The following CEP164 variants were observed in gnomAD, a reference collection of about 807,000 sequenced individuals.
The protein encoded by CEP164 is centrosomal protein of 164 kDa.
A neutral mutation model predicts 182.7 loss-of-function variants in CEP164; 162 were observed. That is an observed-to-expected ratio of 0.89 (90% CI 0.78 to 1.01). The LOEUF (loss-of-function observed/expected upper bound fraction) is 1.01, where lower values mean the gene tolerates loss of function less well. Ranked by LOEUF, CEP164 falls within the 50% of genes least tolerant of loss-of-function variation. The pLI is 0.00. For synonymous variants in CEP164, 661 were observed against 690.0 expected (o/e 0.96, Z 0.66); for missense variants, 1,735 against 1,790.4 (o/e 0.97, Z 0.56).
chr11:117,331,907 C>G (rs1261069425), intron 1 of CEP164, among the ~76,000 whole-genome samples: 1 of 151,484 alleles, frequency 6.6e-6, no homozygotes, highest in African/African-American at 2.4e-5. Flanking sequence ...GTCTTCCTTT[C>G]CATCTGATCA....
chr11:117,356,707 G>A (rs758091096), intron 5 of CEP164: 161 of 1,150,312 alleles, frequency 1.4e-4, no homozygotes, highest in Non-Finnish European at 1.7e-4. Flanking sequence ...CATCAGGCCT[G>A]CATTCCTGTT....
chr11:117,380,654 A>G lies in CEP164; in HGVS notation c.1358A>G (p.Gln453Arg). The G allele has an allele frequency of 6.2e-7, 1 of 1,608,432 alleles. No individual in the cohort carries two copies. Among genetic ancestry groups the G allele is most frequent in the Non-Finnish European group, 8.5e-7 (1 of 1,177,504 alleles). ...PLGIEDKDDSQSSQDELQSKQ... is the reference protein window; with the variant it reads ...PLGIEDKDDSRSSQDELQSKQ... ...GGAATAGAAGACAAGGATGACAGCCAGTCCAGCCAAGATGAGCTGCAGAGC... is the reference window on the plus strand; with the variant it reads ...GGAATAGAAGACAAGGATGACAGCCGGTCCAGCCAAGATGAGCTGCAGAGC... The change falls in exon 12 of 33, where the codon CAG (glutamine) becomes CGG (arginine). Residue 453 changes from glutamine (Q) to arginine (R), a missense_variant. Physicochemically the swap from Gln to Arg is conservative, Grantham distance 43. Transcript: ENST00000278935.
rs892024583 is a variant in CEP164 at position 117,363,453 on chromosome 11, C to G, written c.712C>G (p.Leu238Val). 6.2e-7 allele frequency: 1 copy of G among 1,614,076 alleles called. No individual in the cohort carries two copies. The highest frequency in any genetic ancestry group is 1.7e-5 in the Admixed American group (1 of 60,016). The change falls in exon 8 of 33, where the codon CTT becomes GTT. Residue 238 changes from leucine to valine, a missense_variant. Coordinates refer to ENST00000278935, the MANE Select transcript of CEP164 (RefSeq NM_014956.5). ...NQSVHSSSEP[L>V]RNLHLDIGAL... Reference sequence around the variant, plus strand: ...GAGTGTCCACAGCTCAAGTGAGCCTCTTAGGAACCTACACCTGGACATTGG... The same window carrying G: ...GAGTGTCCACAGCTCAAGTGAGCCTGTTAGGAACCTACACCTGGACATTGG...
At chr11:117,330,979 C>T (rs1322916889) in intron 1 of CEP164, among the ~76,000 whole-genome samples, 1 of 152,162 alleles carries the variant, frequency 6.6e-6, no homozygotes, top group Non-Finnish European at 1.5e-5. Flanking sequence ...TGCTCATTAC[C>T]ACTGCGTAAT....
chr11:117,325,073 C>CTTTATTTA (rs574952082), upstream of CEP164, among the ~76,000 whole-genome samples: 1 of 151,826 alleles, frequency 6.6e-6, no homozygotes, highest in Non-Finnish European at 1.5e-5. Flanking sequence ...TCAGTGAGAC[C>CTTTATTTA]TTTATTTATT....
Position 117,373,851 on chromosome 11 carries a change from A to G in CEP164, c.1233+20A>G. 3.1e-6 allele frequency: 5 copies of G among 1,604,314 alleles called. No homozygotes were observed. The highest frequency in any genetic ancestry group is 3.4e-6 in the Non-Finnish European group (4 of 1,171,156). On this transcript the variant is annotated intron_variant, in intron 10 of 32. Coordinates refer to ENST00000278935, the MANE Select transcript of CEP164 (RefSeq NM_014956.5). Reference sequence around the variant, plus strand: ...GGCCTGGTGAGTTTGAGATGAGGGCAGTAGAGTGGTGGTGAAGAGCATAGA... The same window carrying G: ...GGCCTGGTGAGTTTGAGATGAGGGCGGTAGAGTGGTGGTGAAGAGCATAGA...
intron 27 of CEP164, among the ~76,000 whole-genome samples, chr11:117,406,486 T>G (rs2046689304): frequency 6.6e-6 from 1 of 152,188 alleles, no homozygotes; most frequent in Non-Finnish European, 1.5e-5. Context: ...CAATAACCAT[T>G]TATAATGTGC....
rs568399224 is a variant in CEP164, at chr11:117,397,321, G to A, written c.3501+8G>A. On this transcript the variant is annotated splice_region_variant and intron_variant, in intron 27 of 32. Transcript: ENST00000278935. ...CGCAAGAACCTGGAGAAGGTCAGGA[G>A]CTTTGGGAAGGGCCTGCCAGCCCTG... 6.2e-7 allele frequency: 1 copy of A among 1,608,426 alleles called. No individual in the cohort carries two copies. Among genetic ancestry groups the A allele is most frequent in the Non-Finnish European group, 8.5e-7 (1 of 1,177,418 alleles).
intron 1 of CEP164, among the ~76,000 whole-genome samples, chr11:117,331,463 T>A (rs2036196459): frequency 6.6e-6 from 1 of 152,242 alleles, no homozygotes; most frequent in African/African-American, 2.4e-5. Flanking sequence ...CTAGGCACTT[T>A]ATAAGTGTTG....
chr11:117,367,739 AG>A (rs1422764973), intron 8 of CEP164, among the ~76,000 whole-genome samples: 1 of 152,204 alleles, frequency 6.6e-6, no homozygotes, highest in African/African-American at 2.4e-5. Flanking sequence ...TTTGTTGTAC[AG>A]ATTATTTCAT....
chr11:117,352,083 C>T (rs1164287110), intron 5 of CEP164, 95 bp downstream of exon 5: 1 of 1,030,692 alleles, frequency 9.7e-7, no homozygotes, highest in African/African-American at 1.6e-5. Context: ...AGGTTGAAGA[C>T]AACAGTCAGA....
chr11:117,356,613 A>C (rs2040322492), intron 5 of CEP164: 2 of 1,284,730 alleles, frequency 1.6e-6, no homozygotes, highest in South Asian at 1.2e-5. Context: ...CAGCATCTCA[A>C]CCAGGTAGGC....
At position 117,397,246 on chromosome 11, in the gene CEP164, C is replaced by A. The variant is rs770370539; in HGVS notation, c.3434C>A (p.Ala1145Glu). 6.2e-7 allele frequency: 1 copy of A among 1,614,188 alleles called. No individual in the cohort carries two copies. Among genetic ancestry groups the A allele is most frequent in the African/African-American group, 1.3e-5 (1 of 75,078 alleles). Residue 1145 changes from alanine (A) to glutamate (E), a missense_variant, in exon 27 of 33, where the codon GCG (alanine) becomes GAG (glutamate). Physicochemically the swap from Ala to Glu is moderately radical, Grantham distance 107. Coordinates refer to ENST00000278935, the MANE Select transcript of CEP164 (RefSeq NM_014956.5). ...QQHWRHELAS[A>E]QEVAKDPPGI... ...CATTGGCGCCATGAGCTGGCCAGTG[C>A]GCAGGAGGTGGCCAAAGACCCACCA... is the stretch of plus-strand genomic sequence containing the variant.
At chr11:117,325,863 G>T (rs1420712967), upstream of CEP164, among the ~76,000 whole-genome samples, 2 of 150,758 alleles carry the variant, frequency 1.3e-5, no homozygotes, top group Non-Finnish European at 2.9e-5. Context: ...AAGTAGCATT[G>T]CAATAGGTAT....
intron 19 of CEP164, 74 bp downstream of exon 19, chr11:117,392,701 G>T (rs2044829502): frequency 1.9e-6 from 3 of 1,547,396 alleles, no homozygotes; most frequent in East Asian, 4.5e-5. Flanking sequence ...AGCCGGCCTA[G>T]CCTCAGCGGC....
intron 5 of CEP164, chr11:117,355,469 C>T: frequency 1.6e-6 from 2 of 1,289,738 alleles, no homozygotes; most frequent in Non-Finnish European, 2.0e-6. Flanking sequence ...GAAAGGGGAG[C>T]AGCACAGCCA....
At position 117,397,300 on chromosome 11, in the gene CEP164, A is replaced by T; in HGVS notation, c.3488A>T (p.Lys1163Met). 6.2e-7 allele frequency: 1 copy of T among 1,612,260 alleles called. No individual in the cohort carries two copies. The highest frequency in any genetic ancestry group is 8.5e-7 in the Non-Finnish European group (1 of 1,179,590). The stretch of plus-strand genomic sequence containing the variant: ...ATCAAGGCCCTGGAAGATATGCGCA[A>T]GAACCTGGAGAAGGTCAGGAGCTTT... ...PGIKALEDMR[K>M]NLEKETRHLD... is the part of the protein sequence containing the mutation. Residue 1163 changes from lysine to methionine, a missense_variant, in exon 27 of 33, where the codon AAG (lysine) becomes ATG (methionine). By Grantham distance (95) the Lys-to-Met change is moderately conservative. Transcript: ENST00000278935.
In CEP164 at chr11:117,391,010, A is replaced by G; in HGVS notation, c.2078A>G (p.Glu693Gly). The change falls in exon 17 of 33, where the codon GAG becomes GGG. Residue 693 changes from glutamate to glycine, a missense_variant. Physicochemically the swap from Glu to Gly is moderately conservative, Grantham distance 98. Transcript: ENST00000278935. ...ADEDQIRAEQ[E>G]ASLQKLREEL... is the part of the protein sequence containing the mutation. ...CTGTGTCCACCCAGGGCTGAGCAAGAGGCTTCCCTGCAGAAACTGAGAGAA... is the reference window on the plus strand; with the variant it reads ...CTGTGTCCACCCAGGGCTGAGCAAGGGGCTTCCCTGCAGAAACTGAGAGAA... 6.2e-7 allele frequency: 1 copy of G among 1,614,180 alleles called. No homozygotes were observed. The highest frequency in any genetic ancestry group is 1.7e-5 in the Admixed American group (1 of 60,026).
chr11:117,330,649 CA>C (rs56183313), intron 1 of CEP164, among the ~76,000 whole-genome samples: 29,489 of 150,342 alleles, frequency 0.2, 2,891 homozygotes, highest in Admixed American at 0.25. Context: ...TACTCTGTCT[CA>C]AAAAAAAAGC....
Sources: gnomAD v4.1 joint callset for allele counts (sites outside exome capture counted in the v4.1 genomes callset) on GRCh38, gnomAD v4.1.1 for gene constraint, MANE v1.5 for transcripts, NCBI Gene and HGNC (gene_info 2026-07-23, HGNC 2026-07-21) for gene names.